Variants in ADCY8 observed in about 807,000 individuals in gnomAD.
ADCY8 encodes adenylate cyclase type 8.
Under a neutral mutation model 119.7 loss-of-function variants are expected in ADCY8, and 51 were observed. That is an observed-to-expected ratio of 0.43 (90% CI 0.34 to 0.54). The LOEUF is 0.54. Among genes scored for constraint, ADCY8 ranks in the 20% least tolerant of loss-of-function variants. The probability of loss-of-function intolerance (pLI) is 0.03; values close to 1 mark genes in which losing one functional copy is unlikely to be tolerated. For synonymous variants in ADCY8, 665 were observed against 651.0 expected, an observed-to-expected ratio of 1.02 and a Z score of -0.33; for missense variants, 1,383 against 1,598.8, an observed-to-expected ratio of 0.87 and a Z score of 2.30.
chr8:130,921,955 A>C (rs1820322301), intron 5 of ADCY8, among the ~76,000 whole-genome samples: 1 of 152,136 alleles, frequency 6.6e-6, no homozygotes, highest in African/African-American at 2.4e-5. Flanking sequence ...TGAATGAATG[A>C]TTCCATTCAC....
chr8:130,872,614 T>C (rs1818408439), intron 8 of ADCY8, among the ~76,000 whole-genome samples: 1 of 152,198 alleles, frequency 6.6e-6, no homozygotes, highest in African/African-American at 2.4e-5. Flanking sequence ...AGAAACAGCC[T>C]AAAAATTAGT....
chr8:130,852,709 C>G (rs1271485147), intron 9 of ADCY8, among the ~76,000 whole-genome samples: 1 of 152,122 alleles, frequency 6.6e-6, no homozygotes, highest in Admixed American at 6.5e-5. Context: ...TGAGTGTCTG[C>G]TCTTGGCTCT....
intron 2 of ADCY8, among the ~76,000 whole-genome samples, chr8:130,962,809 T>C (rs1378480804): frequency 2.6e-5 from 4 of 152,200 alleles, no homozygotes; most frequent in Admixed American, 2.0e-4. Context: ...TATTAATCTC[T>C]TTCTCTCCAC....
chr8:130,975,370 A>G (rs986229610), intron 2 of ADCY8, among the ~76,000 whole-genome samples: 4 of 152,198 alleles, frequency 2.6e-5, no homozygotes, highest in African/African-American at 9.7e-5. Flanking sequence ...AGTCATGCTG[A>G]CATGTGACAG....
chr8:131,021,155 G>T (rs1823653525), intron 1 of ADCY8, among the ~76,000 whole-genome samples: 1 of 152,092 alleles, frequency 6.6e-6, no homozygotes, highest in African/African-American at 2.4e-5. Context: ...AATTATATTA[G>T]ATATTGGTAA....
chr8:130,812,052 T>C (rs966807715), intron 14 of ADCY8, among the ~76,000 whole-genome samples: 4 of 152,184 alleles, frequency 2.6e-5, no homozygotes, highest in African/African-American at 9.7e-5. Flanking sequence ...TGATTCTATA[T>C]CCTAAAGGTG....
rs192694518 is a variant in ADCY8 at position 130,848,753 on chromosome 8, T to A, written c.2412+849A>T. ...AAACAAATCACCTCAAAAATCTAGC[T>A]GCCTGAGTCATGGACAACACAGACT... is the stretch of plus-strand genomic sequence containing the variant. On this transcript the variant is annotated intron_variant, in intron 10 of 17. Coordinates refer to ENST00000286355, the MANE Select transcript of ADCY8 (RefSeq NM_001115.3). 1.4e-3 allele frequency among the ~76,000 whole-genome samples: 211 copies of A among 152,290 alleles called. 3 individuals carry two copies. The highest frequency in any genetic ancestry group is 4.7e-3 in the African/African-American group (197 of 41,560).
At chr8:130,822,653 A>G (rs563774271) in intron 12 of ADCY8, among the ~76,000 whole-genome samples, 34 of 152,214 alleles carry the variant, frequency 2.2e-4, no homozygotes, top group African/African-American at 7.7e-4. Context: ...ACATTCCAGT[A>G]CCATCCTTTT....
At chr8:130,804,516 A>G (rs1437750043) in intron 14 of ADCY8, among the ~76,000 whole-genome samples, 1 of 152,210 alleles carries the variant, frequency 6.6e-6, no homozygotes, top group African/African-American at 2.4e-5. Context: ...GGGAGACATA[A>G]TTCAGTCCAT....
At chr8:130,972,136 T>C (rs1294998347) in intron 2 of ADCY8, among the ~76,000 whole-genome samples, 1 of 152,210 alleles carries the variant, frequency 6.6e-6, no homozygotes, top group Admixed American at 6.5e-5. Context: ...GAATACATTA[T>C]TTCAATAATA....
chr8:130,809,755 G>A (rs545320981), intron 14 of ADCY8, among the ~76,000 whole-genome samples: 1 of 152,202 alleles, frequency 6.6e-6, no homozygotes, highest in East Asian at 1.9e-4. Flanking sequence ...AGGTCACATG[G>A]CCTTATTTGG....
chr8:131,005,390 G>T (rs1371226308), intron 1 of ADCY8, among the ~76,000 whole-genome samples: 1 of 152,190 alleles, frequency 6.6e-6, no homozygotes, highest in Non-Finnish European at 1.5e-5. Flanking sequence ...ATGAGCCTTT[G>T]GGATTTGGTG....
chr8:130,860,018 A>G (rs529000353), intron 9 of ADCY8, among the ~76,000 whole-genome samples: 1 of 152,294 alleles, frequency 6.6e-6, no homozygotes, highest in South Asian at 2.1e-4. Context: ...TTGTCTGGAT[A>G]TGCCACAGAG....
At chr8:130,840,152 C>CT (rs1002492090) in intron 11 of ADCY8, among the ~76,000 whole-genome samples, 1 of 138,620 alleles carries the variant, frequency 7.2e-6, no homozygotes, top group African/African-American at 2.5e-5. Flanking sequence ...GCAGTGAGTT[C>CT]TTTTTTTAGG....
chr8:130,842,871 CAAAA>C (rs35357039), intron 11 of ADCY8, among the ~76,000 whole-genome samples: 2 of 87,298 alleles, frequency 2.3e-5, no homozygotes, highest in Non-Finnish European at 2.2e-5. Flanking sequence ...CACTCTGTCT[CAAAA>C]AAAAAAAAAA....
chr8:130,977,373 T>C (rs372860246), intron 2 of ADCY8, among the ~76,000 whole-genome samples: 1 of 152,128 alleles, frequency 6.6e-6, no homozygotes, highest in East Asian at 1.9e-4. Context: ...ATTCAGTGGG[T>C]CTCTTGTTTT....
chr8:130,978,862 G>T (rs59232626), intron 2 of ADCY8, among the ~76,000 whole-genome samples: 3,309 of 152,208 alleles, frequency 0.022, 41 homozygotes, highest in East Asian at 0.058. Context: ...CTCTTGAGTG[G>T]AAGACTCTAA....
intron 4 of ADCY8, among the ~76,000 whole-genome samples, chr8:130,942,492 A>G (rs961294807): frequency 6.6e-6 from 1 of 152,332 alleles, no homozygotes; most frequent in Non-Finnish European, 1.5e-5. Context: ...CATCATTCTC[A>G]TATTCCTAAC....
chr8:130,790,887 A>G (rs561484406), intron 15 of ADCY8, among the ~76,000 whole-genome samples: 7 of 152,276 alleles, frequency 4.6e-5, no homozygotes, highest in African/African-American at 1.7e-4. Context: ...TGGTTCTTAC[A>G]TCTCTCCTAT....
Sources: allele counts gnomAD v4.1 joint callset (sites outside exome capture counted in the v4.1 genomes callset), GRCh38; gene constraint gnomAD v4.1.1; transcripts MANE v1.5; gene names NCBI Gene and HGNC (gene_info 2026-07-23, HGNC 2026-07-21).